The following EPC1 variants were observed in gnomAD, a reference collection of about 807,000 sequenced individuals.
EPC1 encodes enhancer of polycomb 1, also known as enhancer of polycomb homolog 1.
Under a neutral mutation model 98.4 loss-of-function variants are expected in EPC1, and 12 were observed. That is an observed-to-expected ratio of 0.12 (90% CI 0.08 to 0.20). The LOEUF (loss-of-function observed/expected upper bound fraction) is 0.20, where lower values mean the gene tolerates loss of function less well. Ranked by LOEUF, EPC1 falls within the 10% of genes least tolerant of loss-of-function variation. The pLI is 1.00. For missense variants in EPC1, 729 were observed against 990.5 expected (o/e 0.74, Z 3.54); for synonymous variants, 357 against 363.9 (o/e 0.98, Z 0.21).
chr10:32,290,919 C>A lies in EPC1; in HGVS notation c.975+244G>T, dbSNP rs112038915. Reference sequence around the variant, plus strand: ...CCTCCCTAGTAGCTGGGATTGCAGGCGCATGCCACCATACCTGGCTAATTT... The same window carrying A: ...CCTCCCTAGTAGCTGGGATTGCAGGAGCATGCCACCATACCTGGCTAATTT... On this transcript the variant is annotated intron_variant, in intron 6 of 13. Transcript: ENST00000319778. Among the ~76,000 whole-genome samples, 6 of 151,810 alleles carry A rather than the reference C, an allele frequency of 4.0e-5. No homozygotes were observed. The East Asian group carries it at 1.2e-3, about 29-fold the overall frequency.
intron 2 of EPC1, among the ~76,000 whole-genome samples, chr10:32,305,272 G>A (rs2132816626): frequency 6.6e-6 from 1 of 152,362 alleles, no homozygotes. Flanking sequence ...TATCAGTAAA[G>A]TTTTATTACA....
At position 32,271,857 on chromosome 10, in the gene EPC1, G is replaced by A. The variant is rs1237007903; in HGVS notation, c.2066C>T (p.Pro689Leu). Residue 689 changes from proline to leucine, a missense_variant, in exon 13 of 14, where the codon CCA becomes CTA. Physicochemically the swap from Pro to Leu is moderately conservative, Grantham distance 98. This residue lies in a region of EPC1 where 156 missense variants were observed against 188.9 expected (regional missense o/e 0.83). Coordinates refer to ENST00000319778, the MANE Select transcript of EPC1 (RefSeq NM_001272004.3). Reference protein sequence around the residue: ...TTPTALVHTSPSTAGSALLQP... With the variant: ...TTPTALVHTSLSTAGSALLQP... ...TAACAAAGCTGAACCTGCCGTTGAT[G>A]GACTTGTATGTACAAGTGCTGTTGG... The A allele has an allele frequency of 6.2e-7, 1 of 1,613,998 alleles. No homozygotes were observed. The highest frequency in any genetic ancestry group is 8.5e-7 in the Non-Finnish European group (1 of 1,180,034).
chr10:32,334,265 T>G (rs1837819086), intron 1 of EPC1, among the ~76,000 whole-genome samples: 1 of 152,166 alleles, frequency 6.6e-6, no homozygotes, highest in Non-Finnish European at 1.5e-5. Context: ...CAATACTGTA[T>G]ATTTGGCAAG....
In EPC1 at chr10:32,285,015, C is replaced by A. The variant is rs1317349009; in HGVS notation, c.1427G>T (p.Ser476Ile). ...LLDRAHSDYD[S>I]VFHHLDLEML... ...TTCCAAATCCAGATGGTGAAACACA[C>A]TGTCATAGTCTGAATGAGCTCTGTC... The change falls in exon 10 of 14, where the codon AGT becomes ATT. Residue 476 changes from serine to isoleucine, a missense_variant. Ser to Ile is a moderately radical substitution (Grantham distance 142). Around this residue, in one of 6 missense-constraint regions of EPC1, gnomAD observed 390 missense variants for 438.6 expected, o/e 0.89. Coordinates refer to ENST00000319778, the MANE Select transcript of EPC1 (RefSeq NM_001272004.3). 1 of 1,614,172 alleles carries A rather than the reference C, an allele frequency of 6.2e-7. No individual in the cohort carries two copies. The highest frequency in any genetic ancestry group is 8.5e-7 in the Non-Finnish European group (1 of 1,180,004).
intron 1 of EPC1, among the ~76,000 whole-genome samples, chr10:32,358,772 A>C (rs1344664681): frequency 2.6e-5 from 4 of 152,148 alleles, no homozygotes; most frequent in Non-Finnish European, 5.9e-5. Flanking sequence ...CTGCTTCATC[A>C]TCTGTCTGAG....
At position 32,313,978 on chromosome 10, in the gene EPC1, A is replaced by G. The variant is rs531047210; in HGVS notation, c.154-8047T>C. On this transcript the variant is annotated intron_variant, in intron 1 of 13. Transcript: ENST00000319778. ...CCACTTACTATTTATAACATGCTGG[A>G]TGGGTAAAATTTCTTTAATTATAAA... Among the ~76,000 whole-genome samples the G allele has an allele frequency of 3.3e-5, 5 of 152,290 alleles. 1 individual carries two copies. The South Asian group carries it at 1.0e-3, about 32-fold the overall frequency.
chr10:32,330,144 T>C (rs964226555), intron 1 of EPC1, among the ~76,000 whole-genome samples: 3 of 152,156 alleles, frequency 2.0e-5, no homozygotes, highest in East Asian at 1.9e-4. Flanking sequence ...CACAATGAGA[T>C]TTCCTTTTTC....
Position 32,284,781 on chromosome 10 carries a change from T to C in EPC1, c.1661A>G (p.Asn554Ser). Residue 554 changes from asparagine (N) to serine (S), a missense_variant, in exon 10 of 14, where the codon AAC becomes AGC. Physicochemically the swap from Asn to Ser is conservative, Grantham distance 46. This residue lies in a region of EPC1 where 390 missense variants were observed against 438.6 expected (regional missense o/e 0.89). Coordinates refer to ENST00000319778, the MANE Select transcript of EPC1 (RefSeq NM_001272004.3). ...CCCAGGTTGTGCTGTTCCTGTTCGG[T>C]TTATACTCCTATATAATTTTCTACA... ...LSCRKLYRSI[N>S]RTGTAQPGTQ... is the part of the protein sequence containing the mutation. 1.2e-6 allele frequency: 2 copies of C among 1,614,214 alleles called. No homozygotes were observed. Among genetic ancestry groups the C allele is most frequent in the Non-Finnish European group, 1.7e-6 (2 of 1,180,038 alleles).
At chr10:32,280,322 C>T (rs374535261) in intron 10 of EPC1, among the ~76,000 whole-genome samples, 137 of 150,528 alleles carry the variant, frequency 9.1e-4, no homozygotes, top group African/African-American at 3.3e-3. Context: ...TGTGGTGGTG[C>T]GCACCTGTAA....
chr10:32,336,067 C>CTTTTTTTT (rs1222918543), intron 1 of EPC1, among the ~76,000 whole-genome samples: 1 of 55,202 alleles, frequency 1.8e-5, no homozygotes, highest in African/African-American at 3.4e-5. Flanking sequence ...ACTACCTTTT[C>CTTTTTTTT]TTTTTTTTTT....
In EPC1 at chr10:32,273,420, C is replaced by G; in HGVS notation, c.1745-139G>C. 5 of 1,093,972 alleles carry G rather than the reference C, an allele frequency of 4.6e-6. No homozygotes were observed. In the South Asian group the frequency reaches 1.0e-4, roughly 22 times the overall value. The allele number at this position is 1,093,972 out of a possible 1,614,324, so 67.8% of individuals were successfully genotyped here. On this transcript the variant is annotated intron_variant, in intron 10 of 13. Coordinates refer to ENST00000319778, the MANE Select transcript of EPC1 (RefSeq NM_001272004.3). ...AGGATCATGATCCTGCTAAAGATCA[C>G]TTCCAAATGAAAATTTCTGCGTTTC...
At chr10:32,312,295 C>G in intron 1 of EPC1, among the ~76,000 whole-genome samples, 1 of 152,170 alleles carries the variant, frequency 6.6e-6, no homozygotes, top group African/African-American at 2.4e-5. Context: ...ATGGACCACA[C>G]TTTATAAAAC....
chr10:32,305,055 A>G (rs1835796702), intron 2 of EPC1, among the ~76,000 whole-genome samples: 1 of 152,222 alleles, frequency 6.6e-6, no homozygotes, highest in South Asian at 2.1e-4. Flanking sequence ...TTAATTGGAG[A>G]TTGAGTAAAA....
chr10:32,288,158 C>A (rs982966871), intron 6 of EPC1, among the ~76,000 whole-genome samples: 1 of 152,026 alleles, frequency 6.6e-6, no homozygotes, highest in Admixed American at 6.6e-5. Context: ...TTTTCCCAAA[C>A]CATAAGGCAT....
chr10:32,295,242 T>A (rs1310368251), intron 2 of EPC1, among the ~76,000 whole-genome samples: 1 of 152,046 alleles, frequency 6.6e-6, no homozygotes, highest in Non-Finnish European at 1.5e-5. Context: ...TAATGTTACG[T>A]CTATTAAAGT....
At chr10:32,331,755 T>C (rs1275366444) in intron 1 of EPC1, among the ~76,000 whole-genome samples, 1 of 152,272 alleles carries the variant, frequency 6.6e-6, no homozygotes, top group Non-Finnish European at 1.5e-5. Context: ...TATTTAGCAT[T>C]ATACTTTGTA....
intron 10 of EPC1, chr10:32,282,392 C>A (rs1408373205): frequency 6.6e-6 from 1 of 152,158 alleles, no homozygotes. Context: ...TGGTGGCATA[C>A]GCCTGCAGTC....
At chr10:32,275,505 G>A (rs1443897811) in intron 10 of EPC1, among the ~76,000 whole-genome samples, 1 of 152,012 alleles carries the variant, frequency 6.6e-6, no homozygotes, top group Non-Finnish European at 1.5e-5. Context: ...GGTGGCTCAC[G>A]CCTGTAATCC....
intron 1 of EPC1, among the ~76,000 whole-genome samples, chr10:32,308,341 G>C (rs1177671272): frequency 1.3e-5 from 2 of 151,324 alleles, no homozygotes; most frequent in Non-Finnish European, 2.9e-5. Context: ...AGTGAGCCGA[G>C]ACTGCACCGC....
Sources: gnomAD v4.1 joint callset for allele counts (sites outside exome capture counted in the v4.1 genomes callset) on GRCh38, gnomAD v4.1.1 for gene constraint, gnomAD v4.1.1 regional missense constraint, MANE v1.5 for transcripts, NCBI Gene and HGNC (gene_info 2026-07-23, HGNC 2026-07-21) for gene names.